Variants in PARVB observed in about 807,000 individuals in gnomAD.
PARVB encodes the protein parvin beta, also known as beta-parvin.
PARVB carries 46 observed loss-of-function variants against 47.0 expected under a neutral mutation model. That is an observed-to-expected ratio of 0.98 (90% CI 0.77 to 1.25). The LOEUF (loss-of-function observed/expected upper bound fraction) is 1.25, where lower values mean the gene tolerates loss of function less well. PARVB is among the 50% of genes most tolerant of loss of function. The pLI, the probability that PARVB is intolerant of heterozygous loss-of-function variation, is 0.00. For synonymous variants in PARVB, 196 were observed against 196.3 expected, an observed-to-expected ratio of 1.00 and a Z score of 0.01; for missense variants, 473 against 471.6, an observed-to-expected ratio of 1.00 and a Z score of -0.03.
chr22:44,078,714 A>G (rs2051831931), intron 1 of PARVB, among the ~76,000 whole-genome samples: 1 of 152,112 alleles, frequency 6.6e-6, no homozygotes, highest in Non-Finnish European at 1.5e-5. Flanking sequence ...ATGGAGTAGA[A>G]TATAGGTCCT....
In PARVB at chr22:44,131,609, C is replaced by A; in HGVS notation, c.499C>A (p.Leu167Ile). Residue 167 changes from leucine to isoleucine, a missense_variant, in exon 5 of 13, where the codon CTC becomes ATC. Leu to Ile is a conservative substitution (Grantham distance 5, BLOSUM62 2). Coordinates refer to ENST00000338758, the MANE Select transcript of PARVB (RefSeq NM_013327.5). ...CCTGCTGCGGCCCCGAGGCTGGGCGCTCCGGTGGAGCGTGGACTGTGAGTT... is the reference window on the plus strand; with the variant it reads ...CCTGCTGCGGCCCCGAGGCTGGGCGATCCGGTGGAGCGTGGACTGTGAGTT... ...HDLLRPRGWA[L>I]RWSVDSIHGK... 1 of 1,613,708 alleles carries A rather than the reference C, an allele frequency of 6.2e-7. No individual in the cohort carries two copies. Among genetic ancestry groups the A allele is most frequent in the Non-Finnish European group, 8.5e-7 (1 of 1,179,884 alleles).
chr22:44,033,401 G>A (rs2050859558), intron 1 of PARVB, among the ~76,000 whole-genome samples: 1 of 152,166 alleles, frequency 6.6e-6, no homozygotes, highest in Non-Finnish European at 1.5e-5. Context: ...CAGAGAAGCA[G>A]GTGTTTCTGA....
intron 2 of PARVB, among the ~76,000 whole-genome samples, chr22:44,096,945 C>A (rs1297502875): frequency 6.6e-6 from 1 of 152,128 alleles, no homozygotes; most frequent in Admixed American, 6.5e-5. Context: ...CCCAGACCTG[C>A]TGAAGATTCT....
At chr22:44,077,799 G>A (rs1006329638) in intron 1 of PARVB, among the ~76,000 whole-genome samples, 1 of 152,024 alleles carries the variant, frequency 6.6e-6, no homozygotes, top group South Asian at 2.1e-4. Flanking sequence ...AATGGTTCTA[G>A]CGATTCTCCT....
At chr22:44,065,840 A>G (rs1443772465) in intron 1 of PARVB, among the ~76,000 whole-genome samples, 1 of 86,808 alleles carries the variant, frequency 1.2e-5, no homozygotes, top group East Asian at 5.6e-4. Flanking sequence ...TTAGTATTCC[A>G]TGGTGTGTGT....
At chr22:44,136,092 G>A (rs1341118617) in intron 6 of PARVB, among the ~76,000 whole-genome samples, 1 of 152,196 alleles carries the variant, frequency 6.6e-6, no homozygotes, top group Non-Finnish European at 1.5e-5. Flanking sequence ...GATGTTCCCT[G>A]TTATTTATGT....
chr22:44,069,513 G>T (rs1331987549), intron 1 of PARVB, among the ~76,000 whole-genome samples: 2 of 151,924 alleles, frequency 1.3e-5, no homozygotes, highest in Non-Finnish European at 1.5e-5. Context: ...GATACTGTGG[G>T]TTTCTCTCTC....
chr22:44,101,646 G>C (rs556453509), intron 3 of PARVB, among the ~76,000 whole-genome samples: 61 of 151,052 alleles, frequency 4.0e-4, no homozygotes, highest in Admixed American at 9.2e-4. Flanking sequence ...ACCTACTCGG[G>C]AGGCTGAGGC....
chr22:44,073,260 C>T (rs1368019724), intron 1 of PARVB, among the ~76,000 whole-genome samples: 2 of 152,152 alleles, frequency 1.3e-5, no homozygotes, highest in East Asian at 3.9e-4. Context: ...GAGGCTGAGG[C>T]GGGCGGATCA....
chr22:44,147,816 G>C (rs1292954668), intron 8 of PARVB, 45 bp from the exon 9 acceptor site: 1 of 1,567,194 alleles, frequency 6.4e-7, no homozygotes, highest in Non-Finnish European at 8.8e-7. Flanking sequence ...CAGCACCACG[G>C]GTTTCCATAA....
intron 2 of PARVB, among the ~76,000 whole-genome samples, chr22:44,004,004 T>G (rs1273234417): frequency 6.6e-6 from 1 of 152,150 alleles, no homozygotes; most frequent in Non-Finnish European, 1.5e-5. Flanking sequence ...TTGGAGAACT[T>G]TGCCAGGTGC....
rs2052503624 is a variant in PARVB at position 44,103,704 on chromosome 22, G to A, written c.273+3581G>A. 6.6e-6 allele frequency: 1 copy of A among 152,260 alleles called. No individual in the cohort carries two copies. The highest frequency in any genetic ancestry group is 2.1e-4 in the South Asian group (1 of 4,830). 9.4% of individuals were successfully genotyped at this position (152,260 alleles called of 1,614,324 possible). A position where few individuals can be genotyped will look rare whatever the true frequency, so the allele number is the denominator to read the frequency against. ...CTAGTGTCTGTATAAGAGGGACATG[G>A]GGAGCTTTGACTGCCCATGAACATG... On this transcript the variant is annotated intron_variant, in intron 3 of 12. Coordinates refer to ENST00000338758, the MANE Select transcript of PARVB (RefSeq NM_013327.5). The surrounding 1 kb of genome is among the most constrained non-coding windows in gnomAD (Gnocchi z 4.6).
chr22:44,005,247 G>A (rs2050452258), intron 2 of PARVB, among the ~76,000 whole-genome samples: 1 of 149,750 alleles, frequency 6.7e-6, no homozygotes, highest in South Asian at 2.1e-4. Context: ...CTATAGGCGT[G>A]TGCCACCGTG....
At chr22:44,105,247 C>T (rs1391642498) in intron 3 of PARVB, 2 of 152,216 alleles carry the variant, frequency 1.3e-5, no homozygotes, top group Non-Finnish European at 2.9e-5. Flanking sequence ...ATAGTTACTC[C>T]CTGGCTGGCC....
Position 44,164,419 on chromosome 22 carries a change from G to A in PARVB, c.1018+489G>A, listed in dbSNP as rs942680005. Among the ~76,000 whole-genome samples the A allele has an allele frequency of 3.3e-4, 23 of 69,752 alleles. No homozygotes were observed. The South Asian group carries it at 5.8e-3, about 18-fold the overall frequency. 45.8% of individuals were successfully genotyped at this position (69,752 alleles called of 152,430 possible). A position where few individuals can be genotyped will look rare whatever the true frequency, so the allele number is the denominator to read the frequency against. On this transcript the variant is annotated intron_variant, in intron 12 of 12. Transcript: ENST00000338758. Reference sequence around the variant, plus strand: ...GCGGTTGCTTCCCTGTCCCCCCCCCGGCTCCTGTGCCAAGTTACCTATAGG... The same window carrying A: ...GCGGTTGCTTCCCTGTCCCCCCCCCAGCTCCTGTGCCAAGTTACCTATAGG...
At chr22:44,018,829 A>G (rs1474693789) in intron 2 of PARVB, among the ~76,000 whole-genome samples, 11 of 152,172 alleles carry the variant, frequency 7.2e-5, no homozygotes, top group Non-Finnish European at 2.9e-5. Context: ...CGGGCTTGCC[A>G]TGGTTATGGT....
At chr22:44,045,223 C>T (rs1256669060) in intron 1 of PARVB, among the ~76,000 whole-genome samples, 2 of 152,110 alleles carry the variant, frequency 1.3e-5, no homozygotes, top group East Asian at 3.9e-4. Flanking sequence ...CACTGCACTC[C>T]AGCCTGGGTG....
In PARVB at chr22:44,123,796, G is replaced by A. The variant is rs145338662; in HGVS notation, c.376+4656G>A. On this transcript the variant is annotated intron_variant, in intron 4 of 12. Transcript: ENST00000338758. ...TCCACCCACCTCGGGCTCCCAAAGTGTGGGGTTTATAGGCATGAGCCACTG... is the reference window on the plus strand; with the variant it reads ...TCCACCCACCTCGGGCTCCCAAAGTATGGGGTTTATAGGCATGAGCCACTG... Among the ~76,000 whole-genome samples, 608 of 152,308 alleles carry A rather than the reference G, an allele frequency of 4.0e-3. 6 individuals carry two copies. The highest frequency in any genetic ancestry group is 0.014 in the African/African-American group (565 of 41,578).
intron 1 of PARVB, among the ~76,000 whole-genome samples, chr22:44,078,600 T>A (rs2051829087): frequency 6.6e-6 from 1 of 152,190 alleles, no homozygotes; most frequent in Non-Finnish European, 1.5e-5. Flanking sequence ...CCTAATCACA[T>A]CTACAAAGTC....
Sources: allele counts gnomAD v4.1 joint callset (sites outside exome capture counted in the v4.1 genomes callset), GRCh38; gene constraint gnomAD v4.1.1; non-coding constraint Gnocchi (gnomAD v3.1); transcripts MANE v1.5; gene names NCBI Gene and HGNC (gene_info 2026-07-23, HGNC 2026-07-21).